Variants in GCNA observed in about 807,000 individuals in gnomAD.
GCNA encodes germ cell nuclear acidic protein.
Under a neutral mutation model 38.8 loss-of-function variants are expected in GCNA, and 3 were observed. That is an observed-to-expected ratio of 0.08 (90% CI 0.04 to 0.20). GCNA has a LOEUF of 0.20. Ranked by LOEUF, GCNA falls within the 10% of genes least tolerant of loss-of-function variation. The probability of loss-of-function intolerance (pLI) is 1.00; values close to 1 mark genes in which losing one functional copy is unlikely to be tolerated. For synonymous variants in GCNA, 195 were observed against 240.2 expected (o/e 0.81, Z 1.74); for missense variants, 446 against 578.6 (o/e 0.77, Z 2.35).
chrX:71,612,772 A>G, intron 12 of GCNA, 90 bp from the exon 13 acceptor site: 1 of 1,143,136 alleles, frequency 8.7e-7, no homozygotes, highest in Non-Finnish European at 1.2e-6. Context: ...AGAGAAAAGT[A>G]TTGCTTTGGG....
Position 71,610,678 on chromosome X carries a change from C to T in GCNA, c.1612-3C>T. ...ATTCCTTTCATTTGCGTTTCATTCTCAGCTGCCAGAGAAACTACGCATAGG... is the reference window on the plus strand; with the variant it reads ...ATTCCTTTCATTTGCGTTTCATTCTTAGCTGCCAGAGAAACTACGCATAGG... On this transcript the variant is annotated splice_polypyrimidine_tract_variant and splice_region_variant and intron_variant, in intron 10 of 12. Coordinates refer to ENST00000373696, the MANE Select transcript of GCNA (RefSeq NM_052957.5). The T allele has an allele frequency of 3.3e-6, 4 of 1,207,827 alleles. No individual in the cohort carries two copies. The highest frequency in any genetic ancestry group is 4.5e-6 in the Non-Finnish European group (4 of 894,067).
intron 2 of GCNA, among the ~76,000 whole-genome samples, chrX:71,585,729 C>T (rs938852464): frequency 9.3e-6 from 1 of 107,142 alleles, no homozygotes; most frequent in African/African-American, 3.4e-5. Flanking sequence ...TACCTCGAAC[C>T]TTCACATAGA....
intron 2 of GCNA, among the ~76,000 whole-genome samples, chrX:71,590,398 C>G (rs2040618558): frequency 9.0e-6 from 1 of 111,729 alleles, no homozygotes; most frequent in Non-Finnish European, 1.9e-5. Flanking sequence ...TGGATGAAGT[C>G]TGAATCAGCT....
At chrX:71,583,865 CT>C (rs753993215) in intron 2 of GCNA, among the ~76,000 whole-genome samples, 141 of 99,169 alleles carry the variant, frequency 1.4e-3, no homozygotes, top group Admixed American at 1.8e-3. Flanking sequence ...ACCCGCCTAA[CT>C]TTTTTTTTTT....
At chrX:71,595,103 A>AGTTTT (rs1228821726) in intron 6 of GCNA, among the ~76,000 whole-genome samples, 8 of 110,798 alleles carry the variant, frequency 7.2e-5, no homozygotes, top group South Asian at 3.9e-4. Flanking sequence ...AGATTAGTTT[A>AGTTTT]GTTTTGTTTT....
At chrX:71,595,613 A>G (rs1397069835) in intron 6 of GCNA, among the ~76,000 whole-genome samples, 1 of 111,853 alleles carries the variant, frequency 8.9e-6, no homozygotes, top group African/African-American at 3.2e-5. Flanking sequence ...TACTGTTCCT[A>G]TTAATGAATC....
chrX:71,579,269 G>T (rs6625802), intron 1 of GCNA, among the ~76,000 whole-genome samples: 1 of 102,796 alleles, frequency 9.7e-6, no homozygotes, highest in South Asian at 4.9e-4. Context: ...TGGCAGCGTG[G>T]GGGGAGGTGG....
intron 11 of GCNA, among the ~76,000 whole-genome samples, chrX:71,611,344 C>T (rs1394004134): frequency 1.8e-5 from 2 of 111,761 alleles, no homozygotes; most frequent in African/African-American, 6.5e-5. Context: ...AGCCCATGCC[C>T]CAGACAGGCT....
chrX:71,585,013 C>A (rs911007547), intron 2 of GCNA, among the ~76,000 whole-genome samples: 1 of 109,710 alleles, frequency 9.1e-6, no homozygotes, highest in Middle Eastern at 4.7e-3. Context: ...TGTGTGTGAT[C>A]AAAAATGCAA....
At chrX:71,600,896 G>A (rs2040708261) in intron 7 of GCNA, among the ~76,000 whole-genome samples, 1 of 111,556 alleles carries the variant, frequency 9.0e-6, no homozygotes, top group East Asian at 2.8e-4. Context: ...TCATCCTGTT[G>A]CGCTATTAAA....
intron 2 of GCNA, among the ~76,000 whole-genome samples, chrX:71,583,692 C>CTTTTT (rs753557808): frequency 2.8e-5 from 2 of 72,659 alleles, no homozygotes; most frequent in Non-Finnish European, 5.1e-5. Context: ...CTATTATATT[C>CTTTTT]TTTTTTTTTT....
chrX:71,581,029 C>A, intron 2 of GCNA, 149 bp downstream of exon 2: 2 of 537,498 alleles, frequency 3.7e-6, no homozygotes, highest in Non-Finnish European at 5.8e-6. Context: ...AAGGATTTTA[C>A]AAACTAGGAG....
At chrX:71,581,354 G>T (rs2040545242) in intron 2 of GCNA, among the ~76,000 whole-genome samples, 2 of 111,909 alleles carry the variant, frequency 1.8e-5, no homozygotes, top group African/African-American at 6.5e-5. Context: ...GTGAGAGACA[G>T]GGTCTGCTCT....
intron 9 of GCNA, among the ~76,000 whole-genome samples, chrX:71,606,533 T>A (rs1174522597): frequency 8.9e-6 from 1 of 112,388 alleles, no homozygotes; most frequent in Non-Finnish European, 1.9e-5. Context: ...TATGCTCACA[T>A]CTGAATTGTC....
intron 4 of GCNA, among the ~76,000 whole-genome samples, chrX:71,593,950 A>G (rs1199412516): frequency 9.0e-6 from 1 of 111,523 alleles, no homozygotes; most frequent in Non-Finnish European, 1.9e-5. Context: ...TCCTGGGCTC[A>G]AGCAATCCTC....
At chrX:71,579,330 C>T (rs974028687) in intron 1 of GCNA, among the ~76,000 whole-genome samples, 1 of 77,771 alleles carries the variant, frequency 1.3e-5, no homozygotes. Flanking sequence ...GGCATAGGAG[C>T]ACATAGTAGC....
chrX:71,580,974 T>C, intron 2 of GCNA, 94 bp downstream of exon 2: 2 of 854,018 alleles, frequency 2.3e-6, no homozygotes, highest in Non-Finnish European at 3.3e-6. Flanking sequence ...CTTTAGTATC[T>C]GTAGAGCGTA....
rs146598771 is a variant in GCNA at position 71,591,865 on chromosome X, A to G, written c.60-257A>G. ...GGCAGAAAACAGGCTTTTCACTGAT[A>G]GCTAGCGATAACTCATCTAACATTC... On this transcript the variant is annotated intron_variant, in intron 2 of 12. Coordinates refer to ENST00000373696, the MANE Select transcript of GCNA (RefSeq NM_052957.5). 3.8e-3 allele frequency among the ~76,000 whole-genome samples: 429 copies of G among 112,210 alleles called. 1 individual carries two copies. The highest frequency in any genetic ancestry group is 0.013 in the African/African-American group (387 of 30,904).
At chrX:71,583,865 C>CT (rs753993215) in intron 2 of GCNA, among the ~76,000 whole-genome samples, 71 of 99,238 alleles carry the variant, frequency 7.2e-4, no homozygotes, top group East Asian at 9.4e-4. Flanking sequence ...ACCCGCCTAA[C>CT]TTTTTTTTTT....
Sources: allele counts gnomAD v4.1 joint callset (sites outside exome capture counted in the v4.1 genomes callset), GRCh38; gene constraint gnomAD v4.1.1; transcripts MANE v1.5; gene names NCBI Gene and HGNC (gene_info 2026-07-23, HGNC 2026-07-21).